Variants in AGO3 observed in about 807,000 individuals in gnomAD.
AGO3 encodes argonaute RISC catalytic component 3, also known as protein argonaute-3.
A neutral mutation model predicts 105.5 loss-of-function variants in AGO3; 16 were observed. That is an observed-to-expected ratio of 0.15 (90% CI 0.10 to 0.23). The LOEUF (loss-of-function observed/expected upper bound fraction) is 0.23. Among genes scored for constraint, AGO3 ranks in the 10% least tolerant of loss-of-function variants. The pLI is 1.00. For synonymous variants in AGO3, 340 were observed against 367.3 expected, an observed-to-expected ratio of 0.93 and a Z score of 0.85; for missense variants, 534 against 1,088.0, an observed-to-expected ratio of 0.49 and a Z score of 7.16.
Position 36,028,996 on chromosome 1 carries a change from T to C in AGO3, c.1591+1698T>C, listed in dbSNP as rs576804014. ...GCACCTAGCCTCTTTCTGGTTTTAA[T>C]TGAGCATTTTATATGATTCTATTTT... On this transcript the variant is annotated intron_variant, in intron 12 of 18. Transcript: ENST00000373191. 5.9e-5 allele frequency among the ~76,000 whole-genome samples: 9 copies of C among 152,338 alleles called. No individual in the cohort carries two copies. In the South Asian group the frequency reaches 1.9e-3, roughly 32 times the overall value.
At chr1:36,007,629 G>A (rs1640399837) in intron 6 of AGO3, among the ~76,000 whole-genome samples, 2 of 151,434 alleles carry the variant, frequency 1.3e-5, no homozygotes, top group Non-Finnish European at 1.5e-5. Context: ...CCTGGAGACA[G>A]AGGTTGCAGT....
intron 5 of AGO3, among the ~76,000 whole-genome samples, chr1:35,986,840 A>G (rs1176125397): frequency 1.3e-5 from 2 of 151,248 alleles, no homozygotes; most frequent in Non-Finnish European, 2.9e-5. Context: ...TACTAAACAT[A>G]CAGAAATTAA....
rs773171400 is a variant in AGO3 at position 36,039,937 on chromosome 1, C to T, written c.1990C>T (p.Arg664Cys). Residue 664 changes from arginine (R) to cysteine (C), a missense_variant, in exon 15 of 19, where the codon CGT becomes TGT. Transcript: ENST00000373191. Reference sequence around the variant, plus strand: ...TAAGTCAACTCGGTTCAAGCCTACTCGTATCATCTTTTATCGGGATGGTGT... The same window carrying T: ...TAAGTCAACTCGGTTCAAGCCTACTTGTATCATCTTTTATCGGGATGGTGT... The part of the protein sequence containing the change: ...FYKSTRFKPT[R>C]IIFYRDGVSE... 9 of 1,613,782 alleles carry T rather than the reference C, an allele frequency of 5.6e-6. No individual in the cohort carries two copies. The highest frequency in any genetic ancestry group is 3.3e-5 in the South Asian group (3 of 91,040).
intron 16 of AGO3, among the ~76,000 whole-genome samples, chr1:36,041,342 C>T (rs1191292067): frequency 6.7e-6 from 1 of 148,654 alleles, no homozygotes; most frequent in Non-Finnish European, 1.5e-5. Flanking sequence ...CCCAGGTTCA[C>T]GCCATTCTTC....
chr1:36,036,866 TTG>T (rs1642034179), intron 14 of AGO3, among the ~76,000 whole-genome samples: 1 of 152,030 alleles, frequency 6.6e-6, no homozygotes, highest in Non-Finnish European at 1.5e-5. Context: ...GGCTAATTTT[TTG>T]TACTTTTAGT....
In AGO3 at chr1:36,055,538, TTAA is replaced by T. The variant is rs1642889702; in HGVS notation, c.2475-94_2475-92del. Reference sequence around the variant, plus strand: ...GATTGTTACACCAGTCTCTTATTTGTTAATAATTTTGAAATTTTCTACAACAAA... The same window carrying T: ...GATTGTTACACCAGTCTCTTATTTGTTAATTTTGAAATTTTCTACAACAAA... On this transcript the variant is annotated intron_variant, in intron 18 of 18. Coordinates refer to ENST00000373191, the MANE Select transcript of AGO3 (RefSeq NM_024852.4). This position sits in a 1 kb window ranked among gnomAD's most constrained non-coding sequence, Gnocchi z 4.4. The T allele has an allele frequency of 1.1e-5, 12 of 1,131,556 alleles. No homozygotes were observed. In the Admixed American group the frequency reaches 2.0e-4, roughly 19 times the overall value. The allele number at this position is 1,131,556 out of a possible 1,614,324, so 70.1% of individuals were successfully genotyped here. A position where few individuals can be genotyped will look rare whatever the true frequency, so the allele number is the denominator to read the frequency against.
chr1:35,944,543 A>ATTT (rs1646323695), intron 1 of AGO3, among the ~76,000 whole-genome samples: 2 of 104,552 alleles, frequency 1.9e-5, no homozygotes. Context: ...AATTTTATTT[A>ATTT]CTTTTTTTTT....
intron 11 of AGO3, among the ~76,000 whole-genome samples, 165 bp from the exon 12 acceptor site, chr1:36,026,949 A>G (rs1405466591): frequency 6.6e-6 from 1 of 152,266 alleles, no homozygotes; most frequent in African/African-American, 2.4e-5. Context: ...AAAATGGATT[A>G]CTGACAGACC....
At position 36,040,204 on chromosome 1, in the gene AGO3, G is replaced by C. The variant is rs186888721; in HGVS notation, c.2038-103G>C. ...TAAAATGGAATCTATTAGCTATAGA[G>C]TGGTGAAATTAAGGAATCCTGAGAT... is the stretch of plus-strand genomic sequence containing the variant. On this transcript the variant is annotated intron_variant, in intron 15 of 18. Coordinates refer to ENST00000373191, the MANE Select transcript of AGO3 (RefSeq NM_024852.4). The C allele has an allele frequency of 2.6e-4, 341 of 1,312,702 alleles. 1 individual carries two copies. The African/African-American group carries it at 4.1e-3, about 16-fold the overall frequency. 81.3% of individuals were successfully genotyped at this position (1,312,702 alleles called of 1,614,324 possible). A position where few individuals can be genotyped will look rare whatever the true frequency, so the allele number is the denominator to read the frequency against.
intron 17 of AGO3, among the ~76,000 whole-genome samples, chr1:36,047,035 G>A (rs1302985031): frequency 1.3e-5 from 2 of 151,872 alleles, no homozygotes; most frequent in East Asian, 1.9e-4. Context: ...ACCTGAGGTC[G>A]GGAGTTCAAG....
chr1:35,995,605 C>T (rs143653229), intron 5 of AGO3, among the ~76,000 whole-genome samples: 2,145 of 152,240 alleles, frequency 0.014, 21 homozygotes, highest in Non-Finnish European at 0.021. Context: ...CAGAGTTTAT[C>T]CCAGGATAAA....
rs889736240 is a variant in AGO3 at position 36,060,747 on chromosome 1, ATTAG to A, written c.*5008_*5011del. 3 of 152,214 alleles carry A rather than the reference ATTAG, an allele frequency of 2.0e-5. No homozygotes were observed. The highest frequency in any genetic ancestry group is 1.9e-4 in the East Asian group (1 of 5,202). 9.4% of individuals were successfully genotyped at this position (152,214 alleles called of 1,614,324 possible). On this transcript the variant is annotated 3_prime_UTR_variant, in exon 19 of 19. Coordinates refer to ENST00000373191, the MANE Select transcript of AGO3 (RefSeq NM_024852.4). The stretch of plus-strand genomic sequence containing the variant: ...TAACTTGCTACTTAAATTACCTTTT[ATTAG>A]TTAGTCAAGCTGCAAAAATATCATT...
At chr1:36,010,012 C>T (rs1345022325) in intron 9 of AGO3, among the ~76,000 whole-genome samples, 3 of 145,690 alleles carry the variant, frequency 2.1e-5, no homozygotes, top group East Asian at 4.3e-4. Context: ...GATCTTGGCT[C>T]ACTGCAAGCT....
chr1:36,026,053 G>A (rs1216595543), intron 11 of AGO3, among the ~76,000 whole-genome samples: 1 of 150,930 alleles, frequency 6.6e-6, no homozygotes, highest in African/African-American at 2.4e-5. Context: ...AAAAAAAAAA[G>A]AAATTGGTTT....
At chr1:35,983,409 C>CAAAAAAAA (rs765271951) in intron 5 of AGO3, 2 of 60,708 alleles carry the variant, frequency 3.3e-5, no homozygotes, top group Non-Finnish European at 6.7e-5. Flanking sequence ...TGATCTCTAC[C>CAAAAAAAA]AAAAAAAAAA....
chr1:35,966,306 C>CA (rs1646773440), intron 2 of AGO3, among the ~76,000 whole-genome samples: 1 of 152,090 alleles, frequency 6.6e-6, no homozygotes, highest in South Asian at 2.1e-4. Context: ...AATGTGTGTA[C>CA]AAAAAATACG....
chr1:35,950,676 A>G (rs1646454749), intron 2 of AGO3, among the ~76,000 whole-genome samples: 1 of 152,164 alleles, frequency 6.6e-6, no homozygotes, highest in African/African-American at 2.4e-5. Flanking sequence ...ACTAGTTTCT[A>G]ATAGGTGAAT....
intron 6 of AGO3, chr1:36,005,842 TTGA>T: frequency 2.0e-6 from 2 of 985,160 alleles, no homozygotes; most frequent in Non-Finnish European, 2.4e-6. Flanking sequence ...CATAATAAAG[TTGA>T]TGTTATAGTG....
chr1:36,019,757 A>C (rs956744101), intron 11 of AGO3, among the ~76,000 whole-genome samples: 1 of 149,462 alleles, frequency 6.7e-6, no homozygotes, highest in African/African-American at 2.6e-5. Context: ...ATATATATGT[A>C]AGGTGTTTGT....
Sources: allele counts gnomAD v4.1 joint callset (sites outside exome capture counted in the v4.1 genomes callset), GRCh38; gene constraint gnomAD v4.1.1; non-coding constraint Gnocchi (gnomAD v3.1); transcripts MANE v1.5; gene names NCBI Gene and HGNC (gene_info 2026-07-23, HGNC 2026-07-21).